The following HIVEP3 variants were observed in gnomAD, a reference collection of about 807,000 sequenced individuals.
HIVEP3 encodes transcription factor HIVEP3.
A neutral mutation model predicts 152.8 loss-of-function variants in HIVEP3; 49 were observed. That is an observed-to-expected ratio of 0.32 (90% CI 0.26 to 0.41). The LOEUF (loss-of-function observed/expected upper bound fraction) is 0.41, where lower values mean the gene tolerates loss of function less well. HIVEP3 is among the 10% of genes least tolerant of loss of function. HIVEP3 has a pLI of 1.00. For synonymous variants in HIVEP3, 1,269 were observed against 1,289.0 expected (o/e 0.98, Z 0.33); for missense variants, 2,790 against 3,103.3 (o/e 0.90, Z 2.40).
intron 2 of HIVEP3, among the ~76,000 whole-genome samples, chr1:41,638,256 G>GAA (rs1553241159): frequency 8.3e-6 from 1 of 120,884 alleles, no homozygotes; most frequent in East Asian, 2.4e-4. Context: ...AAGAAAGAGA[G>GAA]AGAAAGAAAG....
chr1:41,510,094 T>A lies in HIVEP3; in HGVS notation c.*357A>T, dbSNP rs1276820796. ...TTTCCTTTCTCCCTCAGTGTACCCC[T>A]TTCCCTCTGCCAGCCTCTGGGGTGG... On this transcript the variant is annotated 3_prime_UTR_variant, in exon 9 of 9. Coordinates refer to ENST00000372583, the MANE Select transcript of HIVEP3 (RefSeq NM_024503.5). 1 of 204,784 alleles carries A rather than the reference T, an allele frequency of 4.9e-6. No individual in the cohort carries two copies. The allele number at this position is 204,784 out of a possible 1,614,324, so 12.7% of individuals were successfully genotyped here.
intron 1 of HIVEP3, among the ~76,000 whole-genome samples, chr1:41,801,606 A>T (rs1650305534): frequency 6.6e-6 from 1 of 152,012 alleles, no homozygotes; most frequent in South Asian, 2.1e-4. Flanking sequence ...TCAGCTGGGC[A>T]TGGCAGCATG....
intron 1 of HIVEP3, among the ~76,000 whole-genome samples, chr1:41,966,022 G>A (rs1645195805): frequency 6.6e-6 from 1 of 152,218 alleles, no homozygotes; most frequent in Non-Finnish European, 1.5e-5. Context: ...CAGACTAACA[G>A]TGGACCTCTC....
intron 1 of HIVEP3, among the ~76,000 whole-genome samples, chr1:41,911,360 A>G (rs1890083): frequency 0.47 from 71,610 of 152,026 alleles, 17,438 homozygotes; most frequent in East Asian, 0.71. Flanking sequence ...ATCCTACAAA[A>G]TATAAAGTTT....
intron 1 of HIVEP3, among the ~76,000 whole-genome samples, chr1:41,994,238 A>C (rs1645381720): frequency 6.7e-6 from 1 of 149,696 alleles, no homozygotes; most frequent in African/African-American, 2.5e-5. Context: ...CCCACAAATT[A>C]TTTTTTAAGG....
chr1:41,676,504 A>G (rs986485127), intron 2 of HIVEP3, among the ~76,000 whole-genome samples: 3 of 152,180 alleles, frequency 2.0e-5, no homozygotes, highest in African/African-American at 7.2e-5. Context: ...GGGTCACACA[A>G]TGCTTCCGAG....
intron 1 of HIVEP3, among the ~76,000 whole-genome samples, chr1:41,928,231 A>G (rs1464843315): frequency 6.6e-6 from 1 of 152,176 alleles, no homozygotes; most frequent in East Asian, 1.9e-4. Context: ...AGTGGGTTAC[A>G]GGAGTGCCCA....
At chr1:41,827,945 G>C (rs1010360497) in intron 1 of HIVEP3, among the ~76,000 whole-genome samples, 3 of 152,126 alleles carry the variant, frequency 2.0e-5, no homozygotes, top group African/African-American at 4.8e-5. Context: ...AGGGAAGAGG[G>C]AGAGGAGAGG....
chr1:41,924,409 C>T (rs972445551), intron 1 of HIVEP3, among the ~76,000 whole-genome samples: 2 of 152,102 alleles, frequency 1.3e-5, no homozygotes, highest in Admixed American at 6.5e-5. Context: ...TGATGAGAAA[C>T]ATAGTACTTC....
chr1:41,574,712 T>C (rs371491372), intron 5 of HIVEP3, among the ~76,000 whole-genome samples: 1 of 152,194 alleles, frequency 6.6e-6, no homozygotes, highest in Non-Finnish European at 1.5e-5. Flanking sequence ...TCTACGTTGT[T>C]GTCCTTCAGG....
intron 1 of HIVEP3, among the ~76,000 whole-genome samples, chr1:41,886,712 CAAAAAAAAAAAAAAAAA>C (rs71062602): frequency 2.3e-5 from 2 of 87,788 alleles, no homozygotes; most frequent in Non-Finnish European, 4.3e-5. Context: ...AACTCCATTT[CAAAAAAAAAAAAAAAAA>C]AAAAAAAAAG....
chr1:41,569,973 G>GTCCA (rs1644228023), intron 5 of HIVEP3, among the ~76,000 whole-genome samples: 1 of 152,212 alleles, frequency 6.6e-6, no homozygotes, highest in African/African-American at 2.4e-5. Flanking sequence ...TGCAGTATGC[G>GTCCA]CTGTGCTGTG....
chr1:41,722,726 C>A (rs1013926095), intron 1 of HIVEP3, among the ~76,000 whole-genome samples: 4 of 152,108 alleles, frequency 2.6e-5, no homozygotes, highest in Admixed American at 1.3e-4. Flanking sequence ...GAAATGCATT[C>A]TGACATGAGT....
At chr1:41,590,565 A>G (rs1293955053) in intron 3 of HIVEP3, among the ~76,000 whole-genome samples, 1 of 152,234 alleles carries the variant, frequency 6.6e-6, no homozygotes, top group Non-Finnish European at 1.5e-5. Flanking sequence ...AGACAAGAAG[A>G]CAGTGTGAAG....
At chr1:41,541,365 G>A (rs943489392) in intron 5 of HIVEP3, among the ~76,000 whole-genome samples, 8 of 152,194 alleles carry the variant, frequency 5.3e-5, no homozygotes, top group African/African-American at 1.4e-4. Flanking sequence ...ATTTAGGGAT[G>A]CCTGTTGTGA....
At chr1:41,798,289 TAA>T (rs879873684) in intron 1 of HIVEP3, among the ~76,000 whole-genome samples, 2 of 140,684 alleles carry the variant, frequency 1.4e-5, no homozygotes, top group Admixed American at 7.1e-5. Flanking sequence ...AAAGTATAAT[TAA>T]AAAAAAAAAA....
At chr1:41,800,422 C>T (rs1650234804) in intron 1 of HIVEP3, among the ~76,000 whole-genome samples, 1 of 152,190 alleles carries the variant, frequency 6.6e-6, no homozygotes, top group Non-Finnish European at 1.5e-5. Context: ...GACAAGAGGT[C>T]ATGCAGAGAA....
At chr1:41,821,870 T>C (rs1230274857) in intron 1 of HIVEP3, among the ~76,000 whole-genome samples, 1 of 152,216 alleles carries the variant, frequency 6.6e-6, no homozygotes, top group African/African-American at 2.4e-5. Context: ...TTGATCATGC[T>C]GCAACAGGAC....
intron 1 of HIVEP3, among the ~76,000 whole-genome samples, chr1:41,775,083 G>T (rs532922722): frequency 1.3e-5 from 2 of 152,096 alleles, no homozygotes; most frequent in Middle Eastern, 3.4e-3. Flanking sequence ...AATTACAGGC[G>T]TGACCCACCG....
Sources: allele counts gnomAD v4.1 joint callset (sites outside exome capture counted in the v4.1 genomes callset), GRCh38; gene constraint gnomAD v4.1.1; transcripts MANE v1.5; gene names NCBI Gene and HGNC (gene_info 2026-07-23, HGNC 2026-07-21).